ZNF429: variants seen among roughly 807,000 people sequenced by gnomAD.
The protein encoded by ZNF429 is zinc finger protein 429.
A neutral mutation model predicts 56.8 loss-of-function variants in ZNF429; 53 were observed. The observed-to-expected ratio is 0.93, with a 90% CI of 0.75 to 1.17. The LOEUF (loss-of-function observed/expected upper bound fraction) is 1.17, where lower values mean the gene tolerates loss of function less well. Ranked by LOEUF, ZNF429 falls within the 50% of genes most tolerant of loss-of-function variation. The pLI is 0.00. For missense variants in ZNF429, 849 were observed against 788.4 expected (o/e 1.08, Z -0.92); for synonymous variants, 278 against 264.7 (o/e 1.05, Z -0.49).
In ZNF429 at chr19:21,505,759, T is replaced by TG. The variant is rs758491548; in HGVS notation, c.-11dup. On this transcript the variant is annotated 5_prime_UTR_variant, in exon 1 of 4. Coordinates refer to ENST00000358491, the MANE Select transcript of ZNF429 (RefSeq NM_001001415.4). The stretch of plus-strand genomic sequence containing the variant: ...ACACAGCTAAGACTCCAGGACCCCC[T>TG]GGAAGCCTAGAAATGGTGAGAGTGC... The TG allele has an allele frequency of 3.7e-6, 6 of 1,610,284 alleles. No homozygotes were observed. The East Asian group carries it at 1.3e-4, about 36-fold the overall frequency.
chr19:21,536,173 A>G, intron 3 of ZNF429, 107 bp from the exon 4 acceptor site: 1 of 1,150,854 alleles, frequency 8.7e-7, no homozygotes, highest in Non-Finnish European at 1.2e-6. Context: ...GTATTTTGCT[A>G]TGCTGTGTTG....
chr19:21,536,987 C>T lies in ZNF429; in HGVS notation c.934C>T (p.Pro312Ser), dbSNP rs535945068. 6.2e-7 allele frequency: 1 copy of T among 1,613,852 alleles called. No homozygotes were observed. Among genetic ancestry groups the T allele is most frequent in the Non-Finnish European group, 8.5e-7 (1 of 1,179,940 alleles). Residue 312 changes from proline to serine, a missense_variant, in exon 4 of 4, where the codon CCC (proline) becomes TCC (serine). Physicochemically the swap from Pro to Ser is moderately conservative, Grantham distance 74 (BLOSUM62 -1). Coordinates refer to ENST00000358491, the MANE Select transcript of ZNF429 (RefSeq NM_001001415.4). Reference sequence around the variant, plus strand: ...TAAGATAATTCATACTGAAGAGAAACCCTACAAATGTAAAGAATGTGGCAA... The same window carrying T: ...TAAGATAATTCATACTGAAGAGAAATCCTACAAATGTAAAGAATGTGGCAA... ...KHKIIHTEEK[P>S]YKCKECGKAF...
chr19:21,538,842 A>C lies in ZNF429; in HGVS notation c.*764A>C, dbSNP rs185079425. On this transcript the variant is annotated 3_prime_UTR_variant, in exon 4 of 4. Transcript: ENST00000358491. ...TTGTAAGTGCAATTACTGTCAAACA[A>C]TCTTGTAGAAAATATCATCCTTTAA... 1.2e-3 allele frequency among the ~76,000 whole-genome samples: 190 copies of C among 152,302 alleles called. No homozygotes were observed. Among genetic ancestry groups the C allele is most frequent in the Admixed American group, 2.2e-3 (33 of 15,296 alleles).
chr19:21,536,282 GT>G lies in ZNF429; in HGVS notation c.230del (p.Val77GlyfsTer15). 1.9e-6 allele frequency: 3 copies of G among 1,563,064 alleles called. No individual in the cohort carries two copies. Among genetic ancestry groups the G allele is most frequent in the Non-Finnish European group, 1.7e-6 (2 of 1,158,816 alleles). On this transcript the variant is annotated frameshift_variant, in exon 4 of 4. Coordinates refer to ENST00000358491, the MANE Select transcript of ZNF429 (RefSeq NM_001001415.4). LOFTEE classifies it high-confidence loss of function. ...TTGTTGTTTTAATTTTATTTTAGTTGTGTGTTCTCATTTTGCTGAAGACTTT... is the reference window on the plus strand; with the variant it reads ...TTGTTGTTTTAATTTTATTTTAGTTGGTGTTCTCATTTTGCTGAAGACTTT... ...RHEMVDEPPVVCSHFAEDFWP... is the reference protein window; with the variant it reads ...RHEMVDEPPVXCSHFAEDFWP...
chr19:21,536,617 AACTC>A lies in ZNF429; in HGVS notation c.566_569del (p.Thr189AsnfsTer116). ...AATCATTTTGCATGCTTTCACAACT[AACTC>A]AACATAAGAAAATTCATATTAGAGA... On this transcript the variant is annotated frameshift_variant, in exon 4 of 4. Transcript: ENST00000358491. LOFTEE classifies it high-confidence loss of function. 3.7e-6 allele frequency: 6 copies of A among 1,613,728 alleles called. No individual in the cohort carries two copies. The highest frequency in any genetic ancestry group is 5.1e-6 in the Non-Finnish European group (6 of 1,179,860).
intron 3 of ZNF429, among the ~76,000 whole-genome samples, chr19:21,532,705 T>TC: frequency 6.6e-6 from 1 of 152,028 alleles, no homozygotes; most frequent in African/African-American, 2.4e-5. Context: ...AGGATTTTTT[T>TC]TTTTTTTTTG....
Position 21,538,781 on chromosome 19 carries a change from A to G in ZNF429, c.*703A>G, listed in dbSNP as rs2033821235. 1 of 152,248 alleles carries G rather than the reference A, an allele frequency of 6.6e-6. No homozygotes were observed. Among genetic ancestry groups the G allele is most frequent in the African/African-American group, 2.4e-5 (1 of 41,466 alleles). The allele number at this position is 152,248 out of a possible 1,614,324, so 9.4% of individuals were successfully genotyped here. On this transcript the variant is annotated 3_prime_UTR_variant, in exon 4 of 4. Transcript: ENST00000358491. Reference sequence around the variant, plus strand: ...GGAAAAGCCATTAAAATCTGTTCACATCTTAACAACAGAGAGTTGATACTT... The same window carrying G: ...GGAAAAGCCATTAAAATCTGTTCACGTCTTAACAACAGAGAGTTGATACTT...
intron 1 of ZNF429, among the ~76,000 whole-genome samples, chr19:21,524,638 T>A (rs899856038): frequency 6.6e-6 from 1 of 152,140 alleles, no homozygotes; most frequent in African/African-American, 2.4e-5. Context: ...CCAGGGCAGT[T>A]CCATTTTCTA....
chr19:21,535,478 TTCTTTC>T, intron 3 of ZNF429, among the ~76,000 whole-genome samples: 4 of 104,704 alleles, frequency 3.8e-5, no homozygotes, highest in Non-Finnish European at 8.0e-5. Flanking sequence ...CTTTCTTTCT[TTCTTTC>T]TTTCTTTCTT....
chr19:21,521,049 A>G (rs1036911920), intron 1 of ZNF429, among the ~76,000 whole-genome samples: 6 of 152,256 alleles, frequency 3.9e-5, no homozygotes, highest in Admixed American at 3.9e-4. Flanking sequence ...CATCATGACT[A>G]GTACACAAAA....
intron 3 of ZNF429, among the ~76,000 whole-genome samples, chr19:21,531,106 C>CAACA: frequency 5.7e-5 from 1 of 17,560 alleles, no homozygotes; most frequent in Non-Finnish European, 9.8e-5. Context: ...AACTCCATCT[C>CAACA]AAAAAAAAAA....
chr19:21,538,044 T>G lies in ZNF429; in HGVS notation c.1991T>G (p.Ile664Ser). 1.3e-6 allele frequency: 2 copies of G among 1,547,546 alleles called. No homozygotes were observed. The highest frequency in any genetic ancestry group is 1.8e-6 in the Non-Finnish European group (2 of 1,125,948). The change falls in exon 4 of 4, where the codon ATC becomes AGC. Residue 664 changes from isoleucine (I) to serine (S), a missense_variant. By Grantham distance (142) the Ile-to-Ser change is moderately radical. Transcript: ENST00000358491. Reference protein sequence around the residue: ...PSTLGGRGGRITRSGDRDRPG With the variant: ...PSTLGGRGGRSTRSGDRDRPG ...ACTTTGGGAGGCAGAGGTGGGCGGA[T>G]CACGAGGTCAGGAGATCGAGACCGT... is the stretch of plus-strand genomic sequence containing the variant.
intron 1 of ZNF429, among the ~76,000 whole-genome samples, chr19:21,517,206 T>A (rs556905220): frequency 6.6e-6 from 1 of 152,324 alleles, no homozygotes; most frequent in South Asian, 2.1e-4. Context: ...CTTGTGTTTT[T>A]TGTCTTTAGT....
chr19:21,530,381 G>A, intron 2 of ZNF429, among the ~76,000 whole-genome samples: 8 of 152,012 alleles, frequency 5.3e-5, no homozygotes, highest in Non-Finnish European at 7.4e-5. Flanking sequence ...TGTCACAATC[G>A]ATTTTTTATT....
At position 21,538,015 on chromosome 19, in the gene ZNF429, C is replaced by A; in HGVS notation, c.1962C>A (p.Pro654=). 6.2e-7 allele frequency: 1 copy of A among 1,611,310 alleles called. No homozygotes were observed. Among genetic ancestry groups the A allele is most frequent in the Non-Finnish European group, 8.5e-7 (1 of 1,178,652 alleles). ...RMGVVAHACN[P]STLGGRGGRI... is the part of the protein sequence containing the mutation. Reference sequence around the variant, plus strand: ...GTGTGGTGGCTCATGCCTGTAATCCCAGCACTTTGGGAGGCAGAGGTGGGC... The same window carrying A: ...GTGTGGTGGCTCATGCCTGTAATCCAAGCACTTTGGGAGGCAGAGGTGGGC... Residue 654 remains proline, a synonymous_variant, in exon 4 of 4, where the codon CCC becomes CCA. Coordinates refer to ENST00000358491, the MANE Select transcript of ZNF429 (RefSeq NM_001001415.4).
chr19:21,505,743 A>G lies in ZNF429; in HGVS notation c.-29A>G, dbSNP rs776985132. 5 of 1,608,750 alleles carry G rather than the reference A, an allele frequency of 3.1e-6. No homozygotes were observed. In the South Asian group the frequency reaches 5.5e-5, roughly 18 times the overall value. On this transcript the variant is annotated 5_prime_UTR_variant, in exon 1 of 4. Transcript: ENST00000358491. Reference sequence around the variant, plus strand: ...GCAGATATTGGGAGATACACAGCTAAGACTCCAGGACCCCCTGGAAGCCTA... The same window carrying G: ...GCAGATATTGGGAGATACACAGCTAGGACTCCAGGACCCCCTGGAAGCCTA...
chr19:21,535,471 TCTTTCTTTCTTTCTTTCTTTCTTTCTTC>T, intron 3 of ZNF429, among the ~76,000 whole-genome samples: 6 of 115,454 alleles, frequency 5.2e-5, no homozygotes, highest in African/African-American at 2.0e-4. Context: ...TTTCTTTCTT[TCTTTCTTTCTTTCTTTCTTTCTTTCTTC>T]TTTCTTTCTT....
rs2033716799 is a variant in ZNF429, at chr19:21,537,081, G to A, written c.1028G>A (p.Cys343Tyr). 6.2e-7 allele frequency: 1 copy of A among 1,613,768 alleles called. No individual in the cohort carries two copies. ...CATACTGGTGAGAAACCCTACAAAT[G>A]TGAAGAATGTGGCAAAGCCTTTAAC... is the stretch of plus-strand genomic sequence containing the variant. ...RIHTGEKPYK[C>Y]EECGKAFNWS... is the part of the protein sequence containing the mutation. Residue 343 changes from cysteine (C) to tyrosine (Y), a missense_variant, in exon 4 of 4, where the codon TGT (cysteine) becomes TAT (tyrosine). Physicochemically the swap from Cys to Tyr is radical, Grantham distance 194. Transcript: ENST00000358491.
At chr19:21,526,897 C>T (rs2033191075) in intron 1 of ZNF429, among the ~76,000 whole-genome samples, 1 of 152,148 alleles carries the variant, frequency 6.6e-6, no homozygotes, top group South Asian at 2.1e-4. Context: ...CACTGTGAAC[C>T]TCCACACACT....
Sources: allele counts gnomAD v4.1 joint callset (sites outside exome capture counted in the v4.1 genomes callset), GRCh38; gene constraint gnomAD v4.1.1; transcripts MANE v1.5; gene names NCBI Gene and HGNC (gene_info 2026-07-23, HGNC 2026-07-21).